Variants in KIAA1549L observed in about 807,000 individuals in gnomAD.
KIAA1549L encodes the protein UPF0606 protein KIAA1549L.
KIAA1549L carries 88 observed loss-of-function variants against 160.7 expected under a neutral mutation model. That is an observed-to-expected ratio of 0.55 (90% CI 0.46 to 0.65). The LOEUF (loss-of-function observed/expected upper bound fraction) is 0.65. KIAA1549L is among the 30% of genes least tolerant of loss of function. The pLI, the probability that KIAA1549L is intolerant of heterozygous loss-of-function variation, is 0.00. For missense variants in KIAA1549L, 2,258 were observed against 2,437.5 expected, an observed-to-expected ratio of 0.93 and a Z score of 1.55; for synonymous variants, 950 against 976.7, an observed-to-expected ratio of 0.97 and a Z score of 0.51.
In KIAA1549L at chr11:33,647,009, C is replaced by T. The variant is rs576103314; in HGVS notation, c.5760+973C>T. The stretch of plus-strand genomic sequence containing the variant: ...CTTTACAAATAAGAAAAATAAGCTA[C>T]GTCCTAGACTTGTAAAGATTAAATG... On this transcript the variant is annotated intron_variant, in intron 17 of 20. Transcript: ENST00000658780. Among the ~76,000 whole-genome samples the T allele has an allele frequency of 4.1e-4, 62 of 152,150 alleles. No individual in the cohort carries two copies. In the South Asian group the frequency reaches 0.012, roughly 30 times the overall value.
At chr11:33,595,852 C>T (rs1171010749) in intron 12 of KIAA1549L, among the ~76,000 whole-genome samples, 3 of 152,102 alleles carry the variant, frequency 2.0e-5, no homozygotes, top group African/African-American at 7.2e-5. Context: ...TAAGATATCT[C>T]AATTTTTATG....
At chr11:33,649,088 G>T (rs1219867923) in intron 17 of KIAA1549L, among the ~76,000 whole-genome samples, 1 of 152,202 alleles carries the variant, frequency 6.6e-6, no homozygotes, top group East Asian at 1.9e-4. Flanking sequence ...GGCAGAACTG[G>T]AGTTAGAACC....
intron 9 of KIAA1549L, among the ~76,000 whole-genome samples, chr11:33,573,606 T>C (rs78427489): frequency 0.019 from 2,830 of 152,282 alleles, 86 homozygotes; most frequent in African/African-American, 0.065. Flanking sequence ...TTTACTGTTA[T>C]AAACAATGTT....
chr11:33,568,098 G>T lies in KIAA1549L; in HGVS notation c.4101G>T (p.Ser1367=). ...VITVLQGVDN[S]LVGLHNQSFA... ...CAGTGCTGCAGGGTGTGGACAATTC[G>T]CTGGTGGGCCTGCACAACCAGAGCT... Residue 1367 remains serine, a synonymous_variant, in exon 9 of 21, where the codon TCG becomes TCT. Coordinates refer to ENST00000658780, the MANE Select transcript of KIAA1549L (RefSeq NM_012194.3). The T allele has an allele frequency of 6.2e-7, 1 of 1,611,670 alleles. No homozygotes were observed. The highest frequency in any genetic ancestry group is 8.5e-7 in the Non-Finnish European group (1 of 1,178,964).
At position 33,410,347 on chromosome 11, in the gene KIAA1549L, C is replaced by T. The variant is rs1188316260; in HGVS notation, c.238+33458C>T. ...TAAGTGGGAATGGTAATGCATTCCTCCTGGAGCTGTTGTGAGGGTTAAATG... is the reference window on the plus strand; with the variant it reads ...TAAGTGGGAATGGTAATGCATTCCTTCTGGAGCTGTTGTGAGGGTTAAATG... On this transcript the variant is annotated intron_variant, in intron 1 of 20. Coordinates refer to ENST00000658780, the MANE Select transcript of KIAA1549L (RefSeq NM_012194.3). 2.6e-5 allele frequency among the ~76,000 whole-genome samples: 4 copies of T among 152,162 alleles called. No individual in the cohort carries two copies. The South Asian group carries it at 6.2e-4, about 24-fold the overall frequency.
chr11:33,505,231 A>T (rs1473378808), intron 1 of KIAA1549L, among the ~76,000 whole-genome samples: 1 of 152,172 alleles, frequency 6.6e-6, no homozygotes, highest in African/African-American at 2.4e-5. Flanking sequence ...ATTTCCAAAG[A>T]GCTAAACAAC....
chr11:33,661,898 AAAAAAAAAG>A (rs1281927029), intron 20 of KIAA1549L, among the ~76,000 whole-genome samples: 12 of 150,884 alleles, frequency 8.0e-5, no homozygotes, highest in South Asian at 4.2e-4. Flanking sequence ...AAAAAAAAAA[AAAAAAAAAG>A]AAACCCAAGA....
chr11:33,440,116 G>GTTTTTTTTTTTTTT (rs1851465259), intron 1 of KIAA1549L, among the ~76,000 whole-genome samples: 2 of 80,716 alleles, frequency 2.5e-5, no homozygotes, highest in Non-Finnish European at 5.3e-5. Flanking sequence ...CACCTATTTT[G>GTTTTTTTTTTTTTT]TTTCTTTTTT....
Position 33,435,784 on chromosome 11 carries a change from A to ATGTGTGTGTGTGTG in KIAA1549L, c.238+58896_238+58897insGTGTGTGTGTGTGT, listed in dbSNP as rs1180781136. On this transcript the variant is annotated intron_variant, in intron 1 of 20. Transcript: ENST00000658780. ...GATATATATATATATATATATATATATATATATATATATATATATATATAT... is the reference window on the plus strand; with the variant it reads ...GATATATATATATATATATATATATATGTGTGTGTGTGTGTATATATATATATATATATATATAT... Among the ~76,000 whole-genome samples the ATGTGTGTGTGTGTG allele has an allele frequency of 1.6e-3, 34 of 20,648 alleles. 1 individual carries two copies. Among genetic ancestry groups the ATGTGTGTGTGTGTG allele is most frequent in the East Asian group, 0.014 (4 of 292 alleles). The allele number at this position is 20,648 out of a possible 152,430, so 13.5% of individuals were successfully genotyped here.
intron 16 of KIAA1549L, among the ~76,000 whole-genome samples, chr11:33,630,754 G>T (rs951932017): frequency 1.3e-5 from 2 of 152,168 alleles, no homozygotes; most frequent in Admixed American, 6.5e-5. Flanking sequence ...CGTCGCTCAC[G>T]CTGGGAGCTG....
chr11:33,567,628 G>A (rs932462367), intron 8 of KIAA1549L, among the ~76,000 whole-genome samples: 2 of 152,220 alleles, frequency 1.3e-5, no homozygotes, highest in Non-Finnish European at 2.9e-5. Context: ...ATAGCCCTGA[G>A]CCAGACCTTG....
At chr11:33,446,722 A>G (rs1160697912) in intron 1 of KIAA1549L, among the ~76,000 whole-genome samples, 1 of 152,192 alleles carries the variant, frequency 6.6e-6, no homozygotes, top group Non-Finnish European at 1.5e-5. Context: ...TGGCTCACTC[A>G]TATGACTGGA....
intron 1 of KIAA1549L, among the ~76,000 whole-genome samples, chr11:33,464,806 C>G (rs1246305956): frequency 1.3e-5 from 2 of 152,010 alleles, no homozygotes; most frequent in East Asian, 3.9e-4. Flanking sequence ...TTCTTGATCA[C>G]CCTGTGTCTT....
chr11:33,470,735 G>T (rs1199450591), intron 1 of KIAA1549L, among the ~76,000 whole-genome samples: 7 of 152,206 alleles, frequency 4.6e-5, no homozygotes. Flanking sequence ...TTATAGGAAT[G>T]AGCCACTGTG....
At chr11:33,457,221 A>T (rs1345564246) in intron 1 of KIAA1549L, among the ~76,000 whole-genome samples, 2 of 152,158 alleles carry the variant, frequency 1.3e-5, no homozygotes, top group Non-Finnish European at 2.9e-5. Context: ...CTCTGCAGAA[A>T]TGTCTTGGAC....
chr11:33,639,435 A>AT (rs1292636465), intron 16 of KIAA1549L, among the ~76,000 whole-genome samples: 1 of 152,184 alleles, frequency 6.6e-6, no homozygotes, highest in African/African-American at 2.4e-5. Context: ...CTGATATACC[A>AT]TAACTCTCCA....
At chr11:33,650,469 G>A (rs562692367) in intron 17 of KIAA1549L, among the ~76,000 whole-genome samples, 200 of 152,244 alleles carry the variant, frequency 1.3e-3, no homozygotes, top group Non-Finnish European at 2.3e-3. Context: ...CTCTTCCTCC[G>A]TATTTTATGG....
intron 1 of KIAA1549L, among the ~76,000 whole-genome samples, chr11:33,403,024 T>C (rs1016516920): frequency 6.6e-6 from 1 of 152,136 alleles, no homozygotes; most frequent in Non-Finnish European, 1.5e-5. Flanking sequence ...GGCAATACTC[T>C]TTTCTGAGGA....
chr11:33,544,463 G>T (rs572194178), intron 2 of KIAA1549L, 127 bp downstream of exon 2: 3 of 1,013,648 alleles, frequency 3.0e-6, no homozygotes, highest in South Asian at 3.2e-5. Context: ...TCATACCCCC[G>T]ATCAGGAATG....
Sources: gnomAD v4.1 joint callset for allele counts (sites outside exome capture counted in the v4.1 genomes callset) on GRCh38, gnomAD v4.1.1 for gene constraint, MANE v1.5 for transcripts, NCBI Gene and HGNC (gene_info 2026-07-23, HGNC 2026-07-21) for gene names.